SUPT3H: variants seen among roughly 807,000 people sequenced by gnomAD.
SUPT3H encodes the protein SPT3 homolog, SAGA and STAGA complex component, also known as transcription initiation protein SPT3 homolog.
SUPT3H carries 44 observed loss-of-function variants against 44.3 expected under a neutral mutation model. That is an observed-to-expected ratio of 0.99 (90% CI 0.78 to 1.28). SUPT3H has a LOEUF of 1.28. Ranked by LOEUF, SUPT3H falls within the 50% of genes most tolerant of loss-of-function variation. The probability of loss-of-function intolerance (pLI) is 0.00; values close to 1 mark genes in which losing one functional copy is unlikely to be tolerated. For missense variants in SUPT3H, 380 were observed against 387.1 expected (o/e 0.98, Z 0.15); for synonymous variants, 124 against 125.6 (o/e 0.99, Z 0.09).
At chr6:44,988,276 C>T (rs919271157) in intron 6 of SUPT3H, among the ~76,000 whole-genome samples, 6 of 151,882 alleles carry the variant, frequency 4.0e-5, no homozygotes, top group Middle Eastern at 3.4e-3. Flanking sequence ...GTCCACGGAA[C>T]AGTTGTAAAA....
chr6:44,840,681 T>C (rs563903774), intron 10 of SUPT3H, among the ~76,000 whole-genome samples: 4 of 152,338 alleles, frequency 2.6e-5, no homozygotes, highest in Admixed American at 6.5e-5. Flanking sequence ...TTAGTACAGA[T>C]TGACACATTC....
chr6:45,212,601 CCTTA>C (rs1764317367), intron 2 of SUPT3H, among the ~76,000 whole-genome samples: 1 of 147,748 alleles, frequency 6.8e-6, no homozygotes, highest in Admixed American at 6.9e-5. Context: ...TGATTTTCTT[CCTTA>C]TTTATTGGAG....
At chr6:45,241,014 C>A (rs1023070514) in intron 2 of SUPT3H, among the ~76,000 whole-genome samples, 4 of 152,116 alleles carry the variant, frequency 2.6e-5, no homozygotes, top group Non-Finnish European at 5.9e-5. Flanking sequence ...CAGCTAGTAA[C>A]CCATTAAAAA....
intron 6 of SUPT3H, among the ~76,000 whole-genome samples, chr6:44,983,658 T>C (rs1407482224): frequency 1.3e-5 from 2 of 152,156 alleles, no homozygotes; most frequent in Non-Finnish European, 2.9e-5. Context: ...GGCAGACAGG[T>C]AGAATTAAAT....
chr6:45,179,409 G>A (rs896348367), intron 2 of SUPT3H, among the ~76,000 whole-genome samples: 2 of 152,116 alleles, frequency 1.3e-5, no homozygotes, highest in South Asian at 2.1e-4. Flanking sequence ...ACCAAAGCCG[G>A]GCAGAGACAC....
chr6:45,154,927 C>G (rs1023814951), intron 2 of SUPT3H, among the ~76,000 whole-genome samples: 1 of 152,074 alleles, frequency 6.6e-6, no homozygotes, highest in African/African-American at 2.4e-5. Flanking sequence ...TCTGTACCTA[C>G]GTGCCTGATA....
chr6:45,002,927 G>C (rs1236804718), intron 6 of SUPT3H, among the ~76,000 whole-genome samples: 1 of 152,010 alleles, frequency 6.6e-6, no homozygotes, highest in Non-Finnish European at 1.5e-5. Flanking sequence ...GAAAGAGAAG[G>C]GGAAAATGGA....
intron 7 of SUPT3H, among the ~76,000 whole-genome samples, chr6:44,958,717 T>A (rs1251865267): frequency 6.6e-6 from 1 of 151,938 alleles, no homozygotes; most frequent in Non-Finnish European, 1.5e-5. Flanking sequence ...AAGTTAACTA[T>A]CAGCTTACCA....
At chr6:45,101,710 T>C (rs1798600641) in intron 3 of SUPT3H, among the ~76,000 whole-genome samples, 1 of 152,128 alleles carries the variant, frequency 6.6e-6, no homozygotes, top group South Asian at 2.1e-4. Flanking sequence ...TACCCTGATA[T>C]GATCATTATA....
intron 2 of SUPT3H, among the ~76,000 whole-genome samples, chr6:45,162,095 G>A (rs1456259871): frequency 7.2e-5 from 11 of 151,996 alleles, no homozygotes; most frequent in Admixed American, 7.2e-4. Flanking sequence ...GCTTTCAAGG[G>A]TATGGATATT....
At chr6:45,215,440 C>T (rs962885530) in intron 2 of SUPT3H, among the ~76,000 whole-genome samples, 1 of 151,976 alleles carries the variant, frequency 6.6e-6, no homozygotes, top group Non-Finnish European at 1.5e-5. Context: ...GACAATTCAA[C>T]CCAATCAAGA....
At chr6:45,187,060 T>C (rs1365822761) in intron 2 of SUPT3H, among the ~76,000 whole-genome samples, 4 of 138,110 alleles carry the variant, frequency 2.9e-5, no homozygotes, top group South Asian at 2.3e-4. Flanking sequence ...CCTTGAGCCC[T>C]GGAGTCCAGC....
intron 2 of SUPT3H, among the ~76,000 whole-genome samples, chr6:45,189,052 T>G (rs1031013476): frequency 1.3e-5 from 2 of 152,174 alleles, no homozygotes; most frequent in African/African-American, 4.8e-5. Context: ...ACCTCCTGCA[T>G]TGGCCTCCCA....
intron 6 of SUPT3H, among the ~76,000 whole-genome samples, chr6:44,999,489 A>G (rs1781727867): frequency 6.6e-6 from 1 of 151,926 alleles, no homozygotes; most frequent in Non-Finnish European, 1.5e-5. Flanking sequence ...ATAATTGAAC[A>G]TGTGCTGGTT....
chr6:45,286,846 T>G (rs1026813009), intron 2 of SUPT3H, among the ~76,000 whole-genome samples: 1 of 152,164 alleles, frequency 6.6e-6, no homozygotes, highest in Non-Finnish European at 1.5e-5. Flanking sequence ...CCAAGCCAAA[T>G]GTCCATCAAT....
chr6:45,217,345 C>T (rs567859146), intron 2 of SUPT3H, among the ~76,000 whole-genome samples: 6 of 151,866 alleles, frequency 4.0e-5, no homozygotes, highest in African/African-American at 9.7e-5. Context: ...TGTAGCGGTG[C>T]GCGTCTGTAA....
At chr6:45,277,137 AATTC>A (rs1217975590) in intron 2 of SUPT3H, among the ~76,000 whole-genome samples, 1 of 152,180 alleles carries the variant, frequency 6.6e-6, no homozygotes, top group African/African-American at 2.4e-5. Flanking sequence ...AATGCAACTG[AATTC>A]ATTTTGGGAC....
intron 8 of SUPT3H, among the ~76,000 whole-genome samples, chr6:44,953,621 C>G (rs1774654449): frequency 6.6e-6 from 1 of 152,180 alleles, no homozygotes; most frequent in Admixed American, 6.5e-5. Context: ...GAGAGTAGTT[C>G]TCAAAATTTA....
At chr6:45,239,703 A>G (rs1769925841) in intron 2 of SUPT3H, among the ~76,000 whole-genome samples, 1 of 152,218 alleles carries the variant, frequency 6.6e-6, no homozygotes, top group Admixed American at 6.5e-5. Context: ...TACAGCTTCT[A>G]TTAAAACAGA....
Sources: allele counts gnomAD v4.1 joint callset (sites outside exome capture counted in the v4.1 genomes callset), GRCh38; gene constraint gnomAD v4.1.1; transcripts MANE v1.5; gene names NCBI Gene and HGNC (gene_info 2026-07-23, HGNC 2026-07-21).